Variants in METTL15 observed in about 807,000 individuals in gnomAD.
The protein encoded by METTL15 is methyltransferase 15, mitochondrial 12S rRNA N4-cytidine.
In METTL15, 34 loss-of-function variants were observed where a neutral mutation model predicts 38.3. The ratio of observed to expected loss-of-function variants is 0.89; its 90% CI spans 0.68 to 1.18. METTL15 has a LOEUF of 1.18. Among genes scored for constraint, METTL15 ranks in the 50% most tolerant of loss-of-function variants. The pLI is 0.00. For synonymous variants in METTL15, 162 were observed against 170.9 expected (o/e 0.95, Z 0.41); for missense variants, 438 against 498.4 (o/e 0.88, Z 1.15).
chr11:28,306,036 A>G (rs1444475678), intron 6 of METTL15, among the ~76,000 whole-genome samples: 9 of 152,128 alleles, frequency 5.9e-5, no homozygotes, highest in Non-Finnish European at 1.2e-4. Context: ...AAATTCCTGG[A>G]ATTCCTCATT....
chr11:28,350,830 A>C (rs372104950), intron 3 of METTL15, among the ~76,000 whole-genome samples: 1 of 152,232 alleles, frequency 6.6e-6, no homozygotes, highest in Non-Finnish European at 1.5e-5. Context: ...TTACATGTAA[A>C]CATTTGAATT....
At chr11:28,462,479 T>TACACACACACAC (rs10573384) in intron 6 of METTL15, among the ~76,000 whole-genome samples, 4 of 146,432 alleles carry the variant, frequency 2.7e-5, no homozygotes, top group African/African-American at 7.6e-5. Flanking sequence ...CATACACGCT[T>TACACACACACAC]ACACACACAC....
chr11:28,388,017 A>G (rs1327467743), intron 5 of METTL15, among the ~76,000 whole-genome samples: 9 of 148,124 alleles, frequency 6.1e-5, no homozygotes, highest in Admixed American at 4.2e-4. Context: ...TGATAAAAAT[A>G]CTAAACAAAC....
At chr11:28,136,275 A>T (rs1469367391) in intron 3 of METTL15, among the ~76,000 whole-genome samples, 1 of 152,122 alleles carries the variant, frequency 6.6e-6, no homozygotes, top group African/African-American at 2.4e-5. Context: ...TAATTGAATC[A>T]TGGGGGCAAT....
At chr11:28,221,057 T>A (rs1478040193) in intron 4 of METTL15, among the ~76,000 whole-genome samples, 2 of 152,114 alleles carry the variant, frequency 1.3e-5, no homozygotes, top group Non-Finnish European at 2.9e-5. Flanking sequence ...GCTATTCTCG[T>A]GGAGTATCTT....
intron 3 of METTL15, among the ~76,000 whole-genome samples, chr11:28,205,611 G>C (rs1367033737): frequency 1.3e-5 from 2 of 151,818 alleles, no homozygotes; most frequent in African/African-American, 4.8e-5. Flanking sequence ...TCGTCCTTTG[G>C]GTATATACCC....
At chr11:28,339,497 A>T (rs1235858483) in intron 3 of METTL15, among the ~76,000 whole-genome samples, 3 of 151,582 alleles carry the variant, frequency 2.0e-5, no homozygotes, top group Admixed American at 6.6e-5. Context: ...AGAAGGAAAT[A>T]TCTAGAGTAA....
At chr11:28,276,879 C>T (rs1052768050) in intron 4 of METTL15, among the ~76,000 whole-genome samples, 3 of 152,108 alleles carry the variant, frequency 2.0e-5, no homozygotes, top group Non-Finnish European at 2.9e-5. Flanking sequence ...AAGAATGAAA[C>T]TGGACCTCTA....
chr11:28,287,221 T>C (rs1279701971), intron 4 of METTL15: 1 of 214,346 alleles, frequency 4.7e-6, no homozygotes, highest in Non-Finnish European at 9.4e-6. Context: ...TATTTGTAAA[T>C]TTGTATTACA....
At chr11:28,278,511 C>G (rs1465092598) in intron 4 of METTL15, among the ~76,000 whole-genome samples, 1 of 152,076 alleles carries the variant, frequency 6.6e-6, no homozygotes, top group Non-Finnish European at 1.5e-5. Flanking sequence ...TTTGATATTT[C>G]TTTTAGTATC....
chr11:28,282,874 C>T (rs1178224066), intron 4 of METTL15, among the ~76,000 whole-genome samples: 3 of 152,102 alleles, frequency 2.0e-5, no homozygotes, highest in Non-Finnish European at 4.4e-5. Context: ...GATTGCTGAC[C>T]CATAGAATCA....
chr11:28,393,567 G>A (rs1440191639), intron 5 of METTL15, among the ~76,000 whole-genome samples: 3 of 152,122 alleles, frequency 2.0e-5, no homozygotes, highest in East Asian at 1.9e-4. Context: ...GCTGGCAAAC[G>A]GGGGCTGGCT....
At chr11:28,378,746 AT>A (rs1850349563) in intron 5 of METTL15, among the ~76,000 whole-genome samples, 1 of 136,308 alleles carries the variant, frequency 7.3e-6, no homozygotes, top group Non-Finnish European at 1.6e-5. Context: ...GGTTTGAAGT[AT>A]TCCCTCCTCT....
intron 3 of METTL15, among the ~76,000 whole-genome samples, chr11:28,209,825 G>C (rs1234329969): frequency 6.6e-6 from 1 of 151,974 alleles, no homozygotes; most frequent in African/African-American, 2.4e-5. Context: ...TCAAATCCAT[G>C]ACAGGAATTT....
chr11:28,250,272 GT>G (rs1278287411), intron 4 of METTL15, among the ~76,000 whole-genome samples: 1 of 151,938 alleles, frequency 6.6e-6, no homozygotes, highest in Non-Finnish European at 1.5e-5. Flanking sequence ...TGATAATTCT[GT>G]TTTAAGTTCT....
At chr11:28,427,927 G>T (rs906247798) in intron 6 of METTL15, among the ~76,000 whole-genome samples, 24 of 152,230 alleles carry the variant, frequency 1.6e-4, no homozygotes, top group African/African-American at 5.8e-4. Flanking sequence ...TTGCCTGATT[G>T]CCCTGGCCAG....
chr11:28,387,213 A>C (rs1850449708), intron 5 of METTL15, among the ~76,000 whole-genome samples: 1 of 151,818 alleles, frequency 6.6e-6, no homozygotes, highest in South Asian at 2.1e-4. Flanking sequence ...ATTAGAGTAG[A>C]AATAAATAAA....
intron 3 of METTL15, among the ~76,000 whole-genome samples, chr11:28,201,665 T>G (rs1380701921): frequency 7.0e-6 from 1 of 143,220 alleles, no homozygotes; most frequent in Admixed American, 7.0e-5. Context: ...CTAGTTTATT[T>G]GTGTAGAGGT....
intron 5 of METTL15, among the ~76,000 whole-genome samples, chr11:28,404,709 A>G (rs1472400317): frequency 1.3e-5 from 2 of 152,126 alleles, no homozygotes; most frequent in Admixed American, 1.3e-4. Context: ...ATTGTGGAAG[A>G]CAAAATAAAC....
Sources: allele counts gnomAD v4.1 joint callset (sites outside exome capture counted in the v4.1 genomes callset), GRCh38; gene constraint gnomAD v4.1.1; transcripts MANE v1.5; gene names NCBI Gene and HGNC (gene_info 2026-07-23, HGNC 2026-07-21).